Variants in IREB2 observed in about 807,000 individuals in gnomAD.
The protein encoded by IREB2 is iron responsive element binding protein 2, also known as iron-responsive element-binding protein 2.
A neutral mutation model predicts 118.8 loss-of-function variants in IREB2; 39 were observed. The ratio of observed to expected loss-of-function variants is 0.33; its 90% CI spans 0.25 to 0.43. The LOEUF is 0.43. IREB2 is among the 20% of genes least tolerant of loss of function. The probability of loss-of-function intolerance (pLI) is 1.00; values close to 1 mark genes in which losing one functional copy is unlikely to be tolerated. For missense variants in IREB2, 900 were observed against 1,147.3 expected, an observed-to-expected ratio of 0.78 and a Z score of 3.11; for synonymous variants, 372 against 392.2, an observed-to-expected ratio of 0.95 and a Z score of 0.61.
Position 78,498,140 on chromosome 15 carries a change from A to C in IREB2, c.2889A>C (p.Ser963=). ...GLLNFVARKF[S] is the part of the protein sequence containing the mutation. ...TAAACTTTGTGGCACGAAAATTCTC[A>C]TAGTATCTACTTACCATAGATACCT... The change falls in exon 22 of 22, where the codon TCA becomes TCC. Residue 963 remains serine (S), a synonymous_variant. Coordinates refer to ENST00000258886, the MANE Select transcript of IREB2 (RefSeq NM_004136.4). The C allele has an allele frequency of 1.9e-6, 3 of 1,547,324 alleles. No individual in the cohort carries two copies. The highest frequency in any genetic ancestry group is 2.7e-6 in the Non-Finnish European group (3 of 1,119,106).
intron 18 of IREB2, among the ~76,000 whole-genome samples, chr15:78,493,616 G>T (rs75202243): frequency 2.0e-5 from 3 of 150,650 alleles, no homozygotes; most frequent in Non-Finnish European, 4.4e-5. Context: ...TTTTTTTTTG[G>T]TGTAAAGATT....
chr15:78,476,043 T>C lies in IREB2; in HGVS notation c.1024-145T>C, dbSNP rs574374729. The C allele has an allele frequency of 3.6e-5, 18 of 503,974 alleles. No homozygotes were observed. The East Asian group carries it at 5.4e-4, about 15-fold the overall frequency. The allele number at this position is 503,974 out of a possible 1,614,324, so 31.2% of individuals were successfully genotyped here. ...TCTTAAAATACCCCCAAAACCAGAA[T>C]GAGTTGATTCATAAGGACAATGAAG... On this transcript the variant is annotated intron_variant, in intron 8 of 21. Transcript: ENST00000258886.
chr15:78,449,236 G>A (rs1241171866), intron 2 of IREB2, among the ~76,000 whole-genome samples: 1 of 152,080 alleles, frequency 6.6e-6, no homozygotes, highest in Non-Finnish European at 1.5e-5. Flanking sequence ...AGTATTTGTT[G>A]AGTATGTATT....
At chr15:78,483,984 C>G (rs1278554410) in intron 11 of IREB2, among the ~76,000 whole-genome samples, 1 of 151,852 alleles carries the variant, frequency 6.6e-6, no homozygotes, top group East Asian at 1.9e-4. Context: ...AGGGTTTCAC[C>G]ATGTTGGCCA....
At chr15:78,460,406 T>C (rs1405950270) in intron 2 of IREB2, among the ~76,000 whole-genome samples, 3 of 152,214 alleles carry the variant, frequency 2.0e-5, no homozygotes, top group Non-Finnish European at 2.9e-5. Context: ...TGGTGATCAA[T>C]GAAAGGTTTT....
intron 8 of IREB2, chr15:78,473,617 GC>G (rs2051416137): frequency 2.3e-6 from 1 of 443,130 alleles, no homozygotes; most frequent in Non-Finnish European, 4.0e-6. Context: ...CTTATAACAA[GC>G]CTGTGAGATG....
chr15:78,469,483 G>C (rs1020780429), intron 5 of IREB2, among the ~76,000 whole-genome samples: 1 of 152,088 alleles, frequency 6.6e-6, no homozygotes, highest in Admixed American at 6.5e-5. Context: ...ACTTTGGGAG[G>C]CTGAGGCGGG....
chr15:78,487,550 C>T (rs2051679901), intron 13 of IREB2, among the ~76,000 whole-genome samples, 183 bp from the exon 14 acceptor site: 1 of 152,130 alleles, frequency 6.6e-6, no homozygotes, highest in African/African-American at 2.4e-5. Flanking sequence ...AAATAGCATG[C>T]CTGAGAGTTA....
intron 18 of IREB2, 36 bp downstream of exon 18, chr15:78,490,797 TC>T: frequency 6.3e-7 from 1 of 1,596,420 alleles, no homozygotes; most frequent in Non-Finnish European, 8.5e-7. Context: ...TTTTGTTTTT[TC>T]TTGTTTCTTA....
intron 10 of IREB2, among the ~76,000 whole-genome samples, chr15:78,479,050 C>G (rs1263572541): frequency 6.6e-5 from 10 of 152,154 alleles, no homozygotes; most frequent in African/African-American, 2.4e-4. Context: ...TCCCACCTTG[C>G]TGGGATTACA....
At chr15:78,471,677 C>A in intron 6 of IREB2, 64 bp from the exon 7 acceptor site, 2 of 1,004,542 alleles carry the variant, frequency 2.0e-6, no homozygotes, top group Non-Finnish European at 2.9e-6. Flanking sequence ...TAATATTACA[C>A]CTTGATTGTG....
At chr15:78,475,681 A>AC (rs1277542653) in intron 8 of IREB2, 1 of 145,676 alleles carries the variant, frequency 6.9e-6, no homozygotes, top group African/African-American at 2.5e-5. Flanking sequence ...CCCTGTCTCT[A>AC]CAAAAAAAAA....
At position 78,498,922 on chromosome 15, in the gene IREB2, T is replaced by C. The variant is rs1567004281; in HGVS notation, c.*779T>C. 1 of 152,244 alleles carries C rather than the reference T, an allele frequency of 6.6e-6. No individual in the cohort carries two copies. Among genetic ancestry groups the C allele is most frequent in the Non-Finnish European group, 1.5e-5 (1 of 68,048 alleles). 9.4% of individuals were successfully genotyped at this position (152,244 alleles called of 1,614,324 possible). The stretch of plus-strand genomic sequence containing the variant: ...ATGGCGTTATATTAATTGGATTAGA[T>C]TATTTTGCTCACCTTATGTAATACT... On this transcript the variant is annotated 3_prime_UTR_variant, in exon 22 of 22. Transcript: ENST00000258886.
chr15:78,450,824 T>TTGTGTGTGTGTGTGTGTG (rs35092289), intron 2 of IREB2, among the ~76,000 whole-genome samples: 1 of 134,020 alleles, frequency 7.5e-6, no homozygotes, highest in African/African-American at 2.8e-5. Context: ...ATTAACAAAT[T>TTGTGTGTGTGTGTGTGTG]TGTGTGTGTG....
intron 20 of IREB2, among the ~76,000 whole-genome samples, chr15:78,496,846 G>A (rs1324904299): frequency 1.3e-5 from 2 of 152,166 alleles, no homozygotes; most frequent in Non-Finnish European, 2.9e-5. Context: ...GGTCAAGGGA[G>A]CCGGCCCATT....
intron 11 of IREB2, 25 bp downstream of exon 11, chr15:78,483,459 G>A (rs1402995579): frequency 1.6e-6 from 2 of 1,270,976 alleles, no homozygotes; most frequent in South Asian, 2.4e-5. Context: ...TCTTATCCGT[G>A]TTTTTCAACC....
At chr15:78,447,017 G>T (rs1048373092) in intron 2 of IREB2, among the ~76,000 whole-genome samples, 1 of 152,146 alleles carries the variant, frequency 6.6e-6, no homozygotes, top group African/African-American at 2.4e-5. Context: ...AAATTGGGGG[G>T]TTTATTGTGA....
chr15:78,493,050 T>G (rs1339813361), intron 18 of IREB2, among the ~76,000 whole-genome samples: 1 of 152,168 alleles, frequency 6.6e-6, no homozygotes, highest in Non-Finnish European at 1.5e-5. Context: ...TGAAGCATTG[T>G]TGCCAAAAAT....
chr15:78,478,244 TAACTA>T (rs767130939), intron 9 of IREB2, 48 bp from the exon 10 acceptor site: 194 of 1,196,234 alleles, frequency 1.6e-4, no homozygotes, highest in Non-Finnish European at 2.1e-4. Context: ...AAAAAAATAA[TAACTA>T]AATAAATTTC....
Sources: allele counts gnomAD v4.1 joint callset (sites outside exome capture counted in the v4.1 genomes callset), GRCh38; gene constraint gnomAD v4.1.1; transcripts MANE v1.5; gene names NCBI Gene and HGNC (gene_info 2026-07-23, HGNC 2026-07-21).